PGM5: variants seen among roughly 807,000 people sequenced by gnomAD.
PGM5 encodes the protein phosphoglucomutase-like protein 5.
In PGM5, 23 loss-of-function variants were observed where a neutral mutation model predicts 59.2. That is an observed-to-expected ratio of 0.39 (90% CI 0.28 to 0.55). The LOEUF (loss-of-function observed/expected upper bound fraction) is 0.55, where lower values mean the gene tolerates loss of function less well. Among genes scored for constraint, PGM5 ranks in the 20% least tolerant of loss-of-function variants. The probability of loss-of-function intolerance (pLI) is 0.66; values close to 1 mark genes in which losing one functional copy is unlikely to be tolerated. For missense variants in PGM5, 574 were observed against 748.3 expected (o/e 0.77, Z 2.72); for synonymous variants, 214 against 286.0 (o/e 0.75, Z 2.54).
At chr9:68,406,608 G>A (rs1329394544) in intron 6 of PGM5, 3 of 138,640 alleles carry the variant, frequency 2.2e-5, no homozygotes, top group Admixed American at 7.5e-5. Context: ...AATTTTGAAG[G>A]GGATAAACAT....
chr9:68,376,227 A>G (rs1387087112), intron 1 of PGM5, among the ~76,000 whole-genome samples: 1 of 152,208 alleles, frequency 6.6e-6, no homozygotes, highest in Non-Finnish European at 1.5e-5. Context: ...AAAACCTTTC[A>G]ATGGATTCTG....
chr9:68,431,282 TTC>T (rs1228367195), intron 6 of PGM5, among the ~76,000 whole-genome samples: 1 of 152,186 alleles, frequency 6.6e-6, no homozygotes, highest in Non-Finnish European at 1.5e-5. Context: ...GCCTCTTGTA[TTC>T]TGTTTTTCTA....
intron 6 of PGM5, among the ~76,000 whole-genome samples, chr9:68,429,543 C>G (rs1398893135): frequency 6.6e-6 from 1 of 152,192 alleles, no homozygotes; most frequent in Non-Finnish European, 1.5e-5. Flanking sequence ...ACTCTTACAG[C>G]CTTCAAAAGA....
At chr9:68,449,626 C>A (rs1444756675) in intron 6 of PGM5, among the ~76,000 whole-genome samples, 1 of 152,132 alleles carries the variant, frequency 6.6e-6, no homozygotes, top group South Asian at 2.1e-4. Flanking sequence ...GTCGCAACTG[C>A]CCCCATCTCT....
intron 6 of PGM5, among the ~76,000 whole-genome samples, chr9:68,395,001 T>G (rs1377253528): frequency 6.6e-6 from 1 of 152,170 alleles, no homozygotes; most frequent in Non-Finnish European, 1.5e-5. Flanking sequence ...TTTCTTATAA[T>G]TAATGGATTA....
intron 1 of PGM5, among the ~76,000 whole-genome samples, chr9:68,369,417 C>G (rs1190573694): frequency 1.3e-5 from 2 of 152,176 alleles, no homozygotes; most frequent in African/African-American, 2.4e-5. Context: ...TAGCTCTTAT[C>G]CAGCTGGGGT....
chr9:68,514,458 T>C (rs782601813), intron 10 of PGM5, among the ~76,000 whole-genome samples: 6 of 151,832 alleles, frequency 4.0e-5, no homozygotes, highest in Non-Finnish European at 8.8e-5. Context: ...AAAAATTGGC[T>C]GGGCATGGTG....
At chr9:68,458,170 T>A (rs1165820072) in intron 6 of PGM5, among the ~76,000 whole-genome samples, 1 of 152,190 alleles carries the variant, frequency 6.6e-6, no homozygotes, top group Non-Finnish European at 1.5e-5. Context: ...GTAGTTTCAA[T>A]TTTACATTTT....
In PGM5 at chr9:68,387,471, G is replaced by C. The variant is rs782797079; in HGVS notation, c.580G>C (p.Val194Leu). 2.5e-6 allele frequency: 4 copies of C among 1,610,538 alleles called. No homozygotes were observed. Among genetic ancestry groups the C allele is most frequent in the Non-Finnish European group, 1.7e-6 (2 of 1,177,202 alleles). ...TGTTTTTCTATCTTTAGTGGAGATA[G>C]TGGACCCAGTGGATATCTATCTTAA... is the stretch of plus-strand genomic sequence containing the variant. ...NKFKPFRVEIVDPVDIYLNLL... is the reference protein window; with the variant it reads ...NKFKPFRVEILDPVDIYLNLL... Residue 194 changes from valine to leucine, a missense_variant, in exon 4 of 11, where the codon GTG becomes CTG. Around this residue, in one of 7 missense-constraint regions of PGM5, gnomAD observed 103 missense variants for 112.4 expected, o/e 0.92. Transcript: ENST00000396396.
chr9:68,370,977 G>T (rs1447413930), intron 1 of PGM5, among the ~76,000 whole-genome samples: 1 of 152,030 alleles, frequency 6.6e-6, no homozygotes, highest in Non-Finnish European at 1.5e-5. Flanking sequence ...TGTCTGCAGG[G>T]GTCTGTGTGA....
At chr9:68,512,268 T>C (rs1824761455) in intron 10 of PGM5, among the ~76,000 whole-genome samples, 1 of 152,224 alleles carries the variant, frequency 6.6e-6, no homozygotes, top group African/African-American at 2.4e-5. Context: ...AGGCATGTGC[T>C]CTCTGGCTTC....
At chr9:68,381,147 G>T (rs1293560518) in intron 2 of PGM5, among the ~76,000 whole-genome samples, 1 of 151,666 alleles carries the variant, frequency 6.6e-6, no homozygotes, top group Non-Finnish European at 1.5e-5. Context: ...AAAACCACAG[G>T]CCAATATCTC....
chr9:68,495,530 G>A (rs1203455019), intron 9 of PGM5, among the ~76,000 whole-genome samples: 1 of 152,188 alleles, frequency 6.6e-6, no homozygotes, highest in Non-Finnish European at 1.5e-5. Context: ...GCTTCATACA[G>A]CCTCTAACAA....
intron 2 of PGM5, among the ~76,000 whole-genome samples, chr9:68,381,403 C>G (rs1554678301): frequency 6.6e-6 from 1 of 151,806 alleles, no homozygotes; most frequent in East Asian, 1.9e-4. Flanking sequence ...TTATAAGAAA[C>G]CCACAGCTAA....
At chr9:68,416,912 C>T (rs782168261) in intron 6 of PGM5, among the ~76,000 whole-genome samples, 10 of 152,214 alleles carry the variant, frequency 6.6e-5, no homozygotes, top group Non-Finnish European at 1.0e-4. Context: ...ATAAAATATA[C>T]ATCTGCTACA....
At chr9:68,420,839 T>C (rs1554682290) in intron 6 of PGM5, among the ~76,000 whole-genome samples, 2 of 152,176 alleles carry the variant, frequency 1.3e-5, no homozygotes, top group Non-Finnish European at 2.9e-5. Flanking sequence ...GTTTATAAAA[T>C]GAAGATGTAA....
At chr9:68,474,123 C>T (rs528785299) in intron 7 of PGM5, among the ~76,000 whole-genome samples, 1 of 152,294 alleles carries the variant, frequency 6.6e-6, no homozygotes, top group Admixed American at 6.5e-5. Flanking sequence ...GCCTGGGCCC[C>T]ATCATTAAAA....
intron 1 of PGM5, among the ~76,000 whole-genome samples, chr9:68,372,342 T>A (rs527972262): frequency 3.1e-4 from 47 of 151,466 alleles, no homozygotes; most frequent in Middle Eastern, 3.4e-3. Context: ...GCTGCATCAC[T>A]CCAATCTTTG....
intron 3 of PGM5, among the ~76,000 whole-genome samples, chr9:68,385,650 T>C (rs1363206711): frequency 6.6e-6 from 1 of 151,922 alleles, no homozygotes; most frequent in Non-Finnish European, 1.5e-5. Context: ...GCTGGACAAT[T>C]AAAGGCAAGG....
Sources: allele counts gnomAD v4.1 joint callset (sites outside exome capture counted in the v4.1 genomes callset), GRCh38; gene constraint gnomAD v4.1.1; regional missense constraint gnomAD v4.1.1; transcripts MANE v1.5; gene names NCBI Gene and HGNC (gene_info 2026-07-23, HGNC 2026-07-21).